Variants in SPIN1 observed in about 807,000 individuals in gnomAD.
SPIN1 encodes the protein spindlin-1.
A neutral mutation model predicts 26.0 loss-of-function variants in SPIN1; 3 were observed. The ratio of observed to expected loss-of-function variants is 0.12; its 90% CI spans 0.05 to 0.30. The LOEUF is 0.30. SPIN1 is among the 10% of genes least tolerant of loss of function. The pLI is 1.00. For synonymous variants in SPIN1, 101 were observed against 116.5 expected, an observed-to-expected ratio of 0.87 and a Z score of 0.86; for missense variants, 126 against 333.4, an observed-to-expected ratio of 0.38 and a Z score of 4.84.
intron 2 of SPIN1, among the ~76,000 whole-genome samples, chr9:88,431,833 T>TG (rs1827878821): frequency 6.6e-6 from 1 of 152,208 alleles, no homozygotes; most frequent in East Asian, 1.9e-4. Context: ...GAGGATCATT[T>TG]GAGGCCAGGA....
chr9:88,405,212 C>T (rs886528775), intron 1 of SPIN1, among the ~76,000 whole-genome samples: 4 of 152,178 alleles, frequency 2.6e-5, no homozygotes, highest in African/African-American at 7.2e-5. Context: ...ATGTACTGTA[C>T]GTAATTGTAC....
intron 1 of SPIN1, among the ~76,000 whole-genome samples, chr9:88,414,536 G>A (rs114123607): frequency 0.019 from 2,928 of 152,304 alleles, 71 homozygotes; most frequent in African/African-American, 0.063. Flanking sequence ...CAGGCCTAGT[G>A]ATATCACGTG....
intron 2 of SPIN1, among the ~76,000 whole-genome samples, chr9:88,429,199 C>CA (rs1379769458): frequency 6.6e-6 from 1 of 152,156 alleles, no homozygotes; most frequent in Non-Finnish European, 1.5e-5. Context: ...TTCAATACAA[C>CA]ACAGCACCTC....
At chr9:88,433,157 G>A (rs1194965692) in intron 2 of SPIN1, among the ~76,000 whole-genome samples, 1 of 150,364 alleles carries the variant, frequency 6.7e-6, no homozygotes, top group Admixed American at 6.6e-5. Flanking sequence ...TTGGCTCACT[G>A]CAGCCTCAAA....
rs139789762 is a variant in SPIN1, at chr9:88,429,999, G to C, written c.52+3408G>C. Among the ~76,000 whole-genome samples, 551 of 152,294 alleles carry C rather than the reference G, an allele frequency of 3.6e-3. 2 individuals carry two copies. The highest frequency in any genetic ancestry group is 0.012 in the African/African-American group (519 of 41,564). On this transcript the variant is annotated intron_variant, in intron 2 of 5. Coordinates refer to ENST00000375859, the MANE Select transcript of SPIN1 (RefSeq NM_006717.3). The stretch of plus-strand genomic sequence containing the variant: ...TATAGCCTATTTTGGAAAGATTGCT[G>C]ACCCCAGGATCAGTATTGTTTATAA...
intron 3 of SPIN1, 68 bp downstream of exon 3, chr9:88,449,057 C>T: frequency 6.6e-7 from 1 of 1,511,536 alleles, no homozygotes; most frequent in South Asian, 1.1e-5. Flanking sequence ...TACAAGATCA[C>T]CTAGGTAAGG....
chr9:88,442,756 G>A (rs183584033), intron 2 of SPIN1, among the ~76,000 whole-genome samples: 5 of 151,538 alleles, frequency 3.3e-5, no homozygotes, highest in Non-Finnish European at 7.4e-5. Context: ...GTTTTTTTCT[G>A]GCATTTATTT....
intron 1 of SPIN1, among the ~76,000 whole-genome samples, chr9:88,412,174 A>G (rs754115419): frequency 2.6e-5 from 4 of 151,962 alleles, no homozygotes; most frequent in African/African-American, 7.3e-5. Context: ...GCGAGACTGC[A>G]TCTCAAAAAA....
chr9:88,431,271 T>C (rs1184515873), intron 2 of SPIN1, among the ~76,000 whole-genome samples: 5 of 151,788 alleles, frequency 3.3e-5, no homozygotes, highest in Admixed American at 2.0e-4. Flanking sequence ...ATTTAACAAA[T>C]ATTTCTCTCT....
At chr9:88,470,286 C>T (rs1587817592) in intron 5 of SPIN1, among the ~76,000 whole-genome samples, 2 of 152,288 alleles carry the variant, frequency 1.3e-5, no homozygotes, top group East Asian at 3.9e-4. Flanking sequence ...CATTTTTGTA[C>T]AAGTTTCTGT....
At chr9:88,421,369 C>G (rs1202069441) in intron 1 of SPIN1, among the ~76,000 whole-genome samples, 1 of 152,058 alleles carries the variant, frequency 6.6e-6, no homozygotes, top group Non-Finnish European at 1.5e-5. Flanking sequence ...GTGGCTCGAT[C>G]ATGGCTCACT....
rs1171616243 is a variant in SPIN1, at chr9:88,449,002, G to T, written c.101+13G>T. On this transcript the variant is annotated intron_variant, in intron 3 of 5. Transcript: ENST00000375859. ...GGACATCCCACAAGTAAGCAGTTCT[G>T]AAACTGGTTCTAGATAGTGTTTTGT... The T allele has an allele frequency of 6.2e-7, 1 of 1,612,108 alleles. No individual in the cohort carries two copies. Among genetic ancestry groups the T allele is most frequent in the Non-Finnish European group, 8.5e-7 (1 of 1,179,430 alleles).
chr9:88,409,467 A>G lies in SPIN1; in HGVS notation c.-158-16915A>G, dbSNP rs555871921. ...CCAGAGAGGATTTATGCTTATTTCT[A>G]TCTCAGGCATCTTAGGGAATAGGCA... On this transcript the variant is annotated intron_variant, in intron 1 of 5. Transcript: ENST00000375859. Among the ~76,000 whole-genome samples the G allele has an allele frequency of 3.3e-5, 5 of 151,914 alleles. No homozygotes were observed. The East Asian group carries it at 9.7e-4, about 30-fold the overall frequency.
intron 1 of SPIN1, among the ~76,000 whole-genome samples, chr9:88,412,526 A>G (rs1827471440): frequency 6.6e-6 from 1 of 152,160 alleles, no homozygotes; most frequent in Non-Finnish European, 1.5e-5. Context: ...GGGTTGTGCC[A>G]TGGACCGTTT....
At chr9:88,450,377 A>G (rs1005737054) in intron 3 of SPIN1, among the ~76,000 whole-genome samples, 12 of 152,236 alleles carry the variant, frequency 7.9e-5, no homozygotes, top group African/African-American at 2.7e-4. Context: ...AGGCTTATAG[A>G]ATATTAATGT....
chr9:88,403,859 C>T (rs937139702), intron 1 of SPIN1, among the ~76,000 whole-genome samples: 16 of 152,054 alleles, frequency 1.1e-4, no homozygotes, highest in African/African-American at 3.6e-4. Context: ...CCTTTTTTAC[C>T]CTTTAATTTC....
At chr9:88,409,631 G>A in intron 1 of SPIN1, among the ~76,000 whole-genome samples, 1 of 151,554 alleles carries the variant, frequency 6.6e-6, no homozygotes, top group Admixed American at 6.6e-5. Flanking sequence ...GTCAGGAGAT[G>A]AAGACTGTCC....
chr9:88,395,198 C>G (rs376625056), intron 1 of SPIN1, among the ~76,000 whole-genome samples: 1 of 152,114 alleles, frequency 6.6e-6, no homozygotes, highest in East Asian at 1.9e-4. Flanking sequence ...ATGTTCACAG[C>G]TTCACTTTAA....
intron 1 of SPIN1, among the ~76,000 whole-genome samples, chr9:88,388,988 C>T (rs1252417576): frequency 1.3e-5 from 2 of 150,446 alleles, no homozygotes; most frequent in Admixed American, 6.6e-5. Flanking sequence ...TTGCATAATC[C>T]CGGGCCGGCG....
Sources: gnomAD v4.1 joint callset for allele counts (sites outside exome capture counted in the v4.1 genomes callset) on GRCh38, gnomAD v4.1.1 for gene constraint, MANE v1.5 for transcripts, NCBI Gene and HGNC (gene_info 2026-07-23, HGNC 2026-07-21) for gene names.